SLC41A2: variants seen among roughly 807,000 people sequenced by gnomAD.
SLC41A2 encodes the protein SLC41A1-like 1.
Under a neutral mutation model 58.3 loss-of-function variants are expected in SLC41A2, and 32 were observed. The ratio of observed to expected loss-of-function variants is 0.55; its 90% CI spans 0.41 to 0.74. The LOEUF is 0.74. Among genes scored for constraint, SLC41A2 ranks in the 30% least tolerant of loss-of-function variants. The pLI is 0.00. For missense variants in SLC41A2, 514 were observed against 680.6 expected (o/e 0.76, Z 2.72); for synonymous variants, 190 against 235.0 (o/e 0.81, Z 1.75).
At chr12:104,828,351 A>G (rs962587749) in intron 10 of SLC41A2, among the ~76,000 whole-genome samples, 1 of 152,220 alleles carries the variant, frequency 6.6e-6, no homozygotes, top group African/African-American at 2.4e-5. Flanking sequence ...CCTTGCACTC[A>G]TTCTCTAAGC....
chr12:104,852,086 G>A (rs571169044), intron 8 of SLC41A2, among the ~76,000 whole-genome samples: 1 of 152,290 alleles, frequency 6.6e-6, no homozygotes. Flanking sequence ...CATAATGCAA[G>A]CATTTTCACA....
At chr12:104,938,387 TCCCCTCC>T (rs1207036487) in intron 1 of SLC41A2, among the ~76,000 whole-genome samples, 1 of 152,200 alleles carries the variant, frequency 6.6e-6, no homozygotes, top group Non-Finnish European at 1.5e-5. Flanking sequence ...CCGTTATTGG[TCCCCTCC>T]TACAGGAGGA....
chr12:104,903,696 C>T (rs1331911103), intron 3 of SLC41A2, among the ~76,000 whole-genome samples: 18 of 152,228 alleles, frequency 1.2e-4, no homozygotes, highest in Non-Finnish European at 2.9e-5. Context: ...GGCCTCAACA[C>T]TTCTTATTTA....
intron 6 of SLC41A2, among the ~76,000 whole-genome samples, chr12:104,877,628 T>C (rs2044115006): frequency 1.3e-5 from 2 of 152,150 alleles, no homozygotes; most frequent in Admixed American, 6.5e-5. Context: ...ACATTCGAAA[T>C]ACCGAAAGCT....
intron 6 of SLC41A2, among the ~76,000 whole-genome samples, chr12:104,870,427 C>T (rs2043710663): frequency 6.6e-6 from 1 of 152,000 alleles, no homozygotes; most frequent in South Asian, 2.1e-4. Flanking sequence ...ACAAAACAAA[C>T]AAAAAAACCC....
rs1287892650 is a variant in SLC41A2 at position 104,892,307 on chromosome 12, A to AT, written c.735+2966_735+2967insA. On this transcript the variant is annotated intron_variant, in intron 4 of 10. Transcript: ENST00000258538. ...CAAGACCTCATCTCAAAAAAAAAAT[A>AT]AAATAAAATAAAATAAAATAAAATA... Among the ~76,000 whole-genome samples, 81 of 119,408 alleles carry AT rather than the reference A, an allele frequency of 6.8e-4. 8 individuals carry two copies. Among genetic ancestry groups the AT allele is most frequent in the African/African-American group, 3.0e-3 (66 of 21,972 alleles). 78.3% of individuals were successfully genotyped at this position (119,408 alleles called of 152,430 possible).
chr12:104,879,666 G>T (rs1211452051), intron 6 of SLC41A2, among the ~76,000 whole-genome samples: 2 of 152,082 alleles, frequency 1.3e-5, no homozygotes, highest in Non-Finnish European at 2.9e-5. Flanking sequence ...TCTCTGTTTT[G>T]GTACAAGTAC....
chr12:104,885,385 TTC>T (rs902586993), intron 6 of SLC41A2, among the ~76,000 whole-genome samples: 1 of 148,550 alleles, frequency 6.7e-6, no homozygotes, highest in Non-Finnish European at 1.5e-5. Flanking sequence ...TTAAAGCCCT[TTC>T]TTTATTTCAA....
At chr12:104,864,453 T>C (rs1299672300) in intron 7 of SLC41A2, among the ~76,000 whole-genome samples, 2 of 152,368 alleles carry the variant, frequency 1.3e-5, no homozygotes, top group Admixed American at 6.5e-5. Context: ...TTCCCAGTGC[T>C]TTATATGTAA....
intron 6 of SLC41A2, among the ~76,000 whole-genome samples, chr12:104,880,284 C>A (rs996040930): frequency 1.3e-5 from 2 of 152,170 alleles, no homozygotes; most frequent in African/African-American, 4.8e-5. Flanking sequence ...GACTTCCTCT[C>A]TTCCTATTGG....
intron 10 of SLC41A2, among the ~76,000 whole-genome samples, chr12:104,832,041 A>G (rs2042055488): frequency 6.6e-6 from 1 of 152,212 alleles, no homozygotes; most frequent in African/African-American, 2.4e-5. Flanking sequence ...GAAAAATGAA[A>G]GAGACTTTGG....
intron 10 of SLC41A2, among the ~76,000 whole-genome samples, chr12:104,827,487 T>G (rs1198699732): frequency 6.6e-6 from 1 of 152,200 alleles, no homozygotes; most frequent in Non-Finnish European, 1.5e-5. Context: ...GTTTATCCGC[T>G]CCCATATAAG....
chr12:104,900,391 CAA>C (rs1414907919), intron 3 of SLC41A2, among the ~76,000 whole-genome samples: 1 of 152,108 alleles, frequency 6.6e-6, no homozygotes, highest in African/African-American at 2.4e-5. Flanking sequence ...AACACACACA[CAA>C]ATAGCTGTCT....
At chr12:104,930,256 A>C (rs542453344) in intron 1 of SLC41A2, among the ~76,000 whole-genome samples, 51 of 152,368 alleles carry the variant, frequency 3.3e-4, no homozygotes, top group Admixed American at 2.5e-3. Context: ...TAGGCTGGCC[A>C]GTATAGACAG....
chr12:104,842,310 A>C (rs956281644), intron 10 of SLC41A2, among the ~76,000 whole-genome samples: 9 of 152,108 alleles, frequency 5.9e-5, no homozygotes, highest in African/African-American at 2.2e-4. Flanking sequence ...AAGCTATTCC[A>C]TTAGAATAAT....
At chr12:104,869,520 C>G (rs12296528) in intron 6 of SLC41A2, among the ~76,000 whole-genome samples, 1 of 151,884 alleles carries the variant, frequency 6.6e-6, no homozygotes, top group East Asian at 1.9e-4. Context: ...ATTCTATAAA[C>G]ATATAATTAT....
intron 6 of SLC41A2, among the ~76,000 whole-genome samples, chr12:104,872,679 G>A (rs1282387555): frequency 6.6e-5 from 10 of 151,676 alleles, no homozygotes; most frequent in Admixed American, 6.6e-4. Context: ...GCAGTGAGCC[G>A]AGATCACACC....
At chr12:104,861,911 G>C (rs975195701) in intron 7 of SLC41A2, among the ~76,000 whole-genome samples, 1 of 152,170 alleles carries the variant, frequency 6.6e-6, no homozygotes, top group Non-Finnish European at 1.5e-5. Flanking sequence ...ATGAGTTATA[G>C]CCACAGAAAG....
intron 3 of SLC41A2, among the ~76,000 whole-genome samples, chr12:104,896,753 C>T (rs2045304206): frequency 6.6e-6 from 1 of 152,140 alleles, no homozygotes; most frequent in Non-Finnish European, 1.5e-5. Flanking sequence ...TGCAACTGTG[C>T]CACGTTAATT....
Sources: gnomAD v4.1 joint callset for allele counts (sites outside exome capture counted in the v4.1 genomes callset) on GRCh38, gnomAD v4.1.1 for gene constraint, MANE v1.5 for transcripts, NCBI Gene and HGNC (gene_info 2026-07-23, HGNC 2026-07-21) for gene names.